Variants in PMPCB observed in about 807,000 individuals in gnomAD.
PMPCB encodes peptidase, mitochondrial processing subunit beta, also known as mitochondrial-processing peptidase subunit beta.
Under a neutral mutation model 61.5 loss-of-function variants are expected in PMPCB, and 46 were observed. The observed-to-expected ratio is 0.75, with a 90% CI of 0.59 to 0.96. The LOEUF (loss-of-function observed/expected upper bound fraction) is 0.96, where lower values mean the gene tolerates loss of function less well. Among genes scored for constraint, PMPCB ranks in the 40% least tolerant of loss-of-function variants. PMPCB has a pLI of 0.00. For synonymous variants in PMPCB, 191 were observed against 201.6 expected (o/e 0.95, Z 0.44); for missense variants, 590 against 602.4 (o/e 0.98, Z 0.22).
the PMPCB span, among the ~76,000 whole-genome samples, chr7:103,339,793 G>A: frequency 1.3e-5 from 2 of 151,900 alleles, no homozygotes; most frequent in African/African-American, 4.8e-5. Flanking sequence ...AATTTTTCAT[G>A]TTATGTGATT....
chr7:103,298,869 A>T (rs1178604353), intron 2 of PMPCB, among the ~76,000 whole-genome samples, 161 bp downstream of exon 2: 1 of 152,172 alleles, frequency 6.6e-6, no homozygotes. Flanking sequence ...TTCCAGTGGT[A>T]CTTAGTTACA....
chr7:103,330,498 G>A (rs1188852740), downstream of PMPCB, among the ~76,000 whole-genome samples: 1 of 151,968 alleles, frequency 6.6e-6, no homozygotes, highest in Non-Finnish European at 1.5e-5. Context: ...TGTTGCCCAG[G>A]CTGGAGTGCA....
intron 8 of PMPCB, among the ~76,000 whole-genome samples, chr7:103,309,877 T>C (rs529687948): frequency 1.4e-4 from 21 of 152,350 alleles, no homozygotes; most frequent in African/African-American, 4.8e-4. Flanking sequence ...TTTTTGCAAC[T>C]TTTTTGTAAG....
intron 4 of PMPCB, among the ~76,000 whole-genome samples, chr7:103,303,105 C>G (rs12669855): frequency 6.6e-6 from 1 of 152,012 alleles, no homozygotes; most frequent in African/African-American, 2.4e-5. Context: ...ACACACAATT[C>G]TGTGATTCAT....
intron 12 of PMPCB, chr7:103,323,569 C>T (rs530148649): frequency 1.8e-5 from 26 of 1,430,756 alleles, no homozygotes; most frequent in Non-Finnish European, 2.4e-5. Flanking sequence ...AAATAAATAC[C>T]TTCCATTATT....
chr7:103,316,982 C>T, downstream of PMPCB: 1 of 1,613,714 alleles, frequency 6.2e-7, no homozygotes, highest in African/African-American at 1.3e-5. Flanking sequence ...CTTCCTCTTT[C>T]TCTTTTCTGA....
At chr7:103,341,738 G>A in the PMPCB span, 1 of 1,512,904 alleles carries the variant, frequency 6.6e-7, no homozygotes, top group Admixed American at 2.3e-5. Flanking sequence ...GCATCTGACT[G>A]AACAAAATAT....
In PMPCB at chr7:103,314,566, A is replaced by G. The variant is rs1295566392; in HGVS notation, c.*2295A>G. On this transcript the variant is annotated 3_prime_UTR_variant, in exon 13 of 13. Coordinates refer to ENST00000249269, the MANE Select transcript of PMPCB (RefSeq NM_004279.3). Reference sequence around the variant, plus strand: ...AGACTAGTGTGCTAATACCTGTTGTATTTTGTGGAGATAAAGGTGCAGGAG... The same window carrying G: ...AGACTAGTGTGCTAATACCTGTTGTGTTTTGTGGAGATAAAGGTGCAGGAG... 1.0e-6 allele frequency: 1 copy of G among 985,210 alleles called. No homozygotes were observed. The highest frequency in any genetic ancestry group is 1.2e-6 in the Non-Finnish European group (1 of 829,872). 61.0% of individuals were successfully genotyped at this position (985,210 alleles called of 1,614,324 possible).
intron 12 of PMPCB, among the ~76,000 whole-genome samples, chr7:103,323,057 GT>G (rs1818507315): frequency 1.3e-5 from 2 of 151,964 alleles, no homozygotes; most frequent in Non-Finnish European, 2.9e-5. Context: ...AGCCTCCGGA[GT>G]AGCTGGAATT....
chr7:103,319,898 A>G (rs1818286014), intron 12 of PMPCB: 4 of 1,578,106 alleles, frequency 2.5e-6, no homozygotes, highest in South Asian at 2.2e-5. Context: ...ATCCATCAAC[A>G]TAATTACAAA....
chr7:103,321,833 G>T, intron 12 of PMPCB: 1 of 1,393,158 alleles, frequency 7.2e-7, no homozygotes, highest in Non-Finnish European at 9.9e-7. Flanking sequence ...GGGCGACAGA[G>T]CGAGACCCCA....
the PMPCB span, among the ~76,000 whole-genome samples, chr7:103,346,633 C>G: frequency 1.3e-5 from 2 of 152,316 alleles, no homozygotes; most frequent in African/African-American, 4.8e-5. Flanking sequence ...GTGGAAAAAA[C>G]TGTCCACTGG....
intron 1 of PMPCB, chr7:103,298,059 G>A (rs1817338541): frequency 1.9e-6 from 1 of 518,750 alleles, no homozygotes; most frequent in South Asian, 2.6e-5. Context: ...GCTGAAAGGC[G>A]AATAGTTTCT....
intron 4 of PMPCB, among the ~76,000 whole-genome samples, chr7:103,303,267 C>T (rs1817496189): frequency 6.6e-6 from 1 of 152,216 alleles, no homozygotes; most frequent in Non-Finnish European, 1.5e-5. Flanking sequence ...CGGGCACATG[C>T]CACCACACGA....
chr7:103,299,562 C>T (rs184039687), intron 3 of PMPCB, 33 bp downstream of exon 3: 5 of 1,259,724 alleles, frequency 4.0e-6, no homozygotes, highest in African/African-American at 3.0e-5. Context: ...AATGCACTCT[C>T]TTTAAGAGAT....
At chr7:103,346,818 A>ATGTGTGTGTGTG in the PMPCB span, among the ~76,000 whole-genome samples, 4 of 150,074 alleles carry the variant, frequency 2.7e-5, no homozygotes, top group South Asian at 2.1e-4. Context: ...AGGCTGAATA[A>ATGTGTGTGTGTG]TGTGTGTGTG....
At chr7:103,302,955 G>A (rs1220950592) in intron 4 of PMPCB, among the ~76,000 whole-genome samples, 1 of 152,024 alleles carries the variant, frequency 6.6e-6, no homozygotes, top group African/African-American at 2.4e-5. Context: ...ATTTATGATT[G>A]CAACTATGTA....
the PMPCB span, chr7:103,335,677 T>C: frequency 1.1e-4 from 16 of 152,004 alleles, no homozygotes; most frequent in African/African-American, 3.9e-4. Flanking sequence ...TCCCAAGTAG[T>C]TGGGCTTACA....
intron 1 of PMPCB, 84 bp downstream of exon 1, chr7:103,297,642 G>T (rs926786404): frequency 1.0e-5 from 16 of 1,583,804 alleles, no homozygotes; most frequent in Middle Eastern, 1.7e-4. Context: ...CCACAGATCC[G>T]AACAGTGGGT....
Sources: gnomAD v4.1 joint callset for allele counts (sites outside exome capture counted in the v4.1 genomes callset) on GRCh38, gnomAD v4.1.1 for gene constraint, MANE v1.5 for transcripts, NCBI Gene and HGNC (gene_info 2026-07-23, HGNC 2026-07-21) for gene names.